The following FRMPD4 variants were observed in gnomAD, a reference collection of about 807,000 sequenced individuals.
The protein encoded by FRMPD4 is FERM and PDZ domain containing 4.
A neutral mutation model predicts 94.1 loss-of-function variants in FRMPD4; 22 were observed. The ratio of observed to expected loss-of-function variants is 0.23; its 90% CI spans 0.17 to 0.33. The LOEUF (loss-of-function observed/expected upper bound fraction) is 0.33. FRMPD4 is among the 10% of genes least tolerant of loss of function. The probability of loss-of-function intolerance (pLI) is 1.00; values close to 1 mark genes in which losing one functional copy is unlikely to be tolerated. For missense variants in FRMPD4, 1,111 were observed against 1,339.9 expected, an observed-to-expected ratio of 0.83 and a Z score of 2.67; for synonymous variants, 631 against 548.6, an observed-to-expected ratio of 1.15 and a Z score of -2.10.
At position 11,951,802 on chromosome X, in the gene FRMPD4, G is replaced by A. The variant is rs1357179228; in HGVS notation, c.95+73784G>A. Among the ~76,000 whole-genome samples, 6 of 112,038 alleles carry A rather than the reference G, an allele frequency of 5.4e-5. No homozygotes were observed. In the Admixed American group the frequency reaches 5.7e-4, roughly 11 times the overall value. ...TAATTCCAGCACTTTGGGAAGCTGAGGCTGGTAGATTGCTTGAGCCCAGGA... is the reference window on the plus strand; with the variant it reads ...TAATTCCAGCACTTTGGGAAGCTGAAGCTGGTAGATTGCTTGAGCCCAGGA... On this transcript the variant is annotated intron_variant, in intron 3 of 18. Coordinates refer to the FRMPD4 transcript ENST00000640291.
intron 2 of FRMPD4, among the ~76,000 whole-genome samples, chrX:12,565,275 A>G (rs2058701199): frequency 9.0e-6 from 1 of 111,322 alleles, no homozygotes; most frequent in Admixed American, 9.5e-5. Flanking sequence ...GCTTAGGCCC[A>G]CTCTTGAGTG....
At chrX:12,319,285 G>A (rs1368719125) in intron 1 of FRMPD4, among the ~76,000 whole-genome samples, 1 of 112,329 alleles carries the variant, frequency 8.9e-6, no homozygotes, top group Non-Finnish European at 1.9e-5. Context: ...TGTCTTGCAT[G>A]CAGGCAGTAT....
intron 3 of FRMPD4, among the ~76,000 whole-genome samples, chrX:11,927,970 C>G (rs1199732140): frequency 8.9e-6 from 1 of 112,085 alleles, no homozygotes; most frequent in African/African-American, 3.2e-5. Context: ...AACAGACAAC[C>G]TACAGAATGG....
intron 1 of FRMPD4, among the ~76,000 whole-genome samples, chrX:12,489,469 G>A (rs1011189141): frequency 3.6e-5 from 4 of 112,353 alleles, no homozygotes; most frequent in Non-Finnish European, 7.5e-5. Flanking sequence ...TAGGTTATGA[G>A]TCATCCATAA....
At chrX:12,322,649 T>A (rs2055223510) in intron 1 of FRMPD4, among the ~76,000 whole-genome samples, 1 of 111,177 alleles carries the variant, frequency 9.0e-6, no homozygotes, top group Non-Finnish European at 1.9e-5. Context: ...AAACCTGTGC[T>A]GCTCTGTAAG....
intron 3 of FRMPD4, among the ~76,000 whole-genome samples, chrX:11,991,500 T>C (rs2054464047): frequency 8.9e-6 from 1 of 112,010 alleles, no homozygotes; most frequent in African/African-American, 3.2e-5. Flanking sequence ...CAATAGACCA[T>C]GGAGGTGTAC....
Position 12,238,579 on chromosome X carries a change from T to G in FRMPD4, c.41+99567T>G, listed in dbSNP as rs765020583. Among the ~76,000 whole-genome samples, 205 of 112,765 alleles carry G rather than the reference T, an allele frequency of 1.8e-3. 2 individuals carry two copies. Among genetic ancestry groups the G allele is most frequent in the Non-Finnish European group, 3.3e-3 (176 of 53,332 alleles). On this transcript the variant is annotated intron_variant, in intron 1 of 16. Coordinates refer to ENST00000675598, the MANE Select transcript of FRMPD4 (RefSeq NM_001368397.1). ...CAGTATTATCTGTCATAATGTATAA[T>G]TAAAATGTATACTCATTATTTAATC...
chrX:12,690,776 G>T (rs757819154), intron 8 of FRMPD4, among the ~76,000 whole-genome samples: 9 of 111,397 alleles, frequency 8.1e-5, no homozygotes, highest in Non-Finnish European at 1.5e-4. Flanking sequence ...CCCCAGTCCT[G>T]CCCGCTATAA....
chrX:11,982,510 A>G (rs906889234), intron 3 of FRMPD4, among the ~76,000 whole-genome samples: 1 of 111,234 alleles, frequency 9.0e-6, no homozygotes, highest in African/African-American at 3.3e-5. Context: ...GCTTCTATCC[A>G]TTCTTTCTAG....
At chrX:12,151,027 TA>T (rs2147595741) in intron 1 of FRMPD4, among the ~76,000 whole-genome samples, 1 of 111,828 alleles carries the variant, frequency 8.9e-6, no homozygotes, top group Non-Finnish European at 1.9e-5. Flanking sequence ...GTTAGTTTTT[TA>T]TCGCTCTTTT....
intron 1 of FRMPD4, among the ~76,000 whole-genome samples, chrX:12,287,108 A>C (rs1257836683): frequency 8.9e-6 from 1 of 112,410 alleles, no homozygotes; most frequent in Non-Finnish European, 1.9e-5. Context: ...TCTGTGCACT[A>C]TCTAGATGTT....
At chrX:12,378,314 C>T (rs1465186381) in intron 1 of FRMPD4, among the ~76,000 whole-genome samples, 4 of 112,609 alleles carry the variant, frequency 3.6e-5, no homozygotes, top group Admixed American at 9.4e-5. Context: ...GTAAGGACAG[C>T]GAGCCTGTAG....
intron 1 of FRMPD4, among the ~76,000 whole-genome samples, chrX:12,383,062 T>G (rs1253286011): frequency 9.0e-6 from 1 of 111,570 alleles, no homozygotes; most frequent in Non-Finnish European, 1.9e-5. Context: ...GGGCAGCAAA[T>G]TATGTCGTAC....
chrX:12,441,655 A>G (rs1346259331), intron 1 of FRMPD4, among the ~76,000 whole-genome samples: 3 of 112,153 alleles, frequency 2.7e-5, no homozygotes, highest in Non-Finnish European at 5.6e-5. Flanking sequence ...AGTCTTTGGC[A>G]AGACACATTG....
At chrX:11,859,522 G>C (rs1236230341) in intron 1 of FRMPD4, among the ~76,000 whole-genome samples, 3 of 111,931 alleles carry the variant, frequency 2.7e-5, no homozygotes, top group African/African-American at 9.7e-5. Flanking sequence ...ATAAAGTAAG[G>C]AAGGCCATTT....
At chrX:12,698,836 A>T (rs963414271) in intron 9 of FRMPD4, among the ~76,000 whole-genome samples, 3 of 111,335 alleles carry the variant, frequency 2.7e-5, no homozygotes, top group Admixed American at 1.9e-4. Context: ...TTCATGAAAC[A>T]TATTTACAGG....
intron 1 of FRMPD4, among the ~76,000 whole-genome samples, chrX:12,420,520 G>A (rs1007882980): frequency 9.0e-6 from 1 of 111,730 alleles, no homozygotes; most frequent in South Asian, 3.8e-4. Context: ...TCGGCATTCT[G>A]TGCTGGCTCC....
At chrX:12,178,639 G>A (rs537962176) in intron 1 of FRMPD4, among the ~76,000 whole-genome samples, 5 of 111,939 alleles carry the variant, frequency 4.5e-5, no homozygotes, top group East Asian at 2.8e-4. Flanking sequence ...TGTGTGCCAA[G>A]TACTGTTCTA....
intron 3 of FRMPD4, among the ~76,000 whole-genome samples, chrX:11,993,612 G>A (rs1011579078): frequency 8.9e-6 from 1 of 112,085 alleles, no homozygotes; most frequent in Non-Finnish European, 1.9e-5. Flanking sequence ...TTAAATCAAC[G>A]TGTTCTATAG....
Sources: gnomAD v4.1 joint callset for allele counts (sites outside exome capture counted in the v4.1 genomes callset) on GRCh38, gnomAD v4.1.1 for gene constraint, MANE v1.5 for transcripts, NCBI Gene and HGNC (gene_info 2026-07-23, HGNC 2026-07-21) for gene names.